BBS9: variants seen among roughly 807,000 people sequenced by gnomAD.
BBS9 encodes the protein Bardet-Biedl syndrome 9.
A neutral mutation model predicts 117.7 loss-of-function variants in BBS9; 89 were observed. The ratio of observed to expected loss-of-function variants is 0.76; its 90% confidence interval spans 0.64 to 0.90. The LOEUF (loss-of-function observed/expected upper bound fraction) is 0.90, where lower values mean the gene tolerates loss of function less well. Among genes scored for constraint, BBS9 ranks in the 40% least tolerant of loss-of-function variants. The probability of loss-of-function intolerance (pLI) is 0.00; values close to 1 mark genes in which losing one functional copy is unlikely to be tolerated. For missense variants in BBS9, 982 were observed against 1,042.2 expected, an observed-to-expected ratio of 0.94 and a Z score of 0.80; for synonymous variants, 379 against 370.9, an observed-to-expected ratio of 1.02 and a Z score of -0.25.
intron 5 of BBS9, among the ~76,000 whole-genome samples, chr7:33,251,363 A>G (rs185488606): frequency 3.9e-4 from 59 of 152,280 alleles, no homozygotes; most frequent in African/African-American, 1.4e-3. Context: ...CCCTGAACCA[A>G]TCACTGTGAC....
chr7:33,549,971 A>T (rs184033363), intron 21 of BBS9, among the ~76,000 whole-genome samples: 1 of 152,216 alleles, frequency 6.6e-6, no homozygotes, highest in Non-Finnish European at 1.5e-5. Context: ...TTCAAATATG[A>T]GGATGAAAAA....
intron 5 of BBS9, among the ~76,000 whole-genome samples, chr7:33,208,768 C>A (rs924943217): frequency 1.3e-5 from 2 of 150,992 alleles, no homozygotes; most frequent in African/African-American, 4.9e-5. Flanking sequence ...AGTGGGTGAC[C>A]ACTATTATTT....
intron 15 of BBS9, among the ~76,000 whole-genome samples, chr7:33,353,447 A>C (rs749717705): frequency 2.0e-5 from 3 of 152,114 alleles, no homozygotes; most frequent in African/African-American, 7.2e-5. Context: ...TGACTCTGCT[A>C]TGATTCTGAT....
At chr7:33,615,211 A>G (rs575776846) in intron 21 of BBS9, among the ~76,000 whole-genome samples, 2 of 152,206 alleles carry the variant, frequency 1.3e-5, no homozygotes, top group East Asian at 3.9e-4. Flanking sequence ...AAAACTTACA[A>G]GGCATACTAA....
intron 20 of BBS9, among the ~76,000 whole-genome samples, chr7:33,507,865 A>T (rs886292344): frequency 6.6e-6 from 1 of 152,202 alleles, no homozygotes; most frequent in Admixed American, 6.5e-5. Context: ...CTGTTAAAAC[A>T]CGTACTAAAA....
intron 5 of BBS9, among the ~76,000 whole-genome samples, chr7:33,228,227 T>A (rs1218145046): frequency 6.6e-6 from 1 of 152,126 alleles, no homozygotes; most frequent in Admixed American, 6.6e-5. Flanking sequence ...TCCCTGATAA[T>A]CAGTGATGTT....
chr7:33,418,328 C>T (rs1470865800), intron 19 of BBS9, among the ~76,000 whole-genome samples: 6 of 152,086 alleles, frequency 3.9e-5, no homozygotes, highest in East Asian at 3.9e-4. Flanking sequence ...TTCTGGTCAG[C>T]GGAAGATTGA....
At chr7:33,481,120 A>G (rs1842464857) in intron 19 of BBS9, among the ~76,000 whole-genome samples, 1 of 152,218 alleles carries the variant, frequency 6.6e-6, no homozygotes, top group Non-Finnish European at 1.5e-5. Flanking sequence ...GGATACATGA[A>G]TGAAGAGGTG....
At chr7:33,395,284 T>A (rs1309054280) in intron 19 of BBS9, among the ~76,000 whole-genome samples, 1 of 152,210 alleles carries the variant, frequency 6.6e-6, no homozygotes, top group African/African-American at 2.4e-5. Flanking sequence ...TTTAGCTTCT[T>A]TGCCTTCAAA....
rs140687794 is a variant in BBS9 at position 33,213,798 on chromosome 7, G to A, written c.442+36207G>A. Among the ~76,000 whole-genome samples the A allele has an allele frequency of 1.1e-3, 165 of 152,246 alleles. 2 individuals are homozygous for A. The highest frequency in any genetic ancestry group is 6.8e-3 in the Middle Eastern group (2 of 294). On this transcript the variant is annotated intron_variant, in intron 5 of 22. Transcript: ENST00000242067. ...ATTTGGGAGCTAGGTCCTGGAATGG[G>A]GGCCTCATGACACTGCCTGGTGCCC...
chr7:33,255,916 G>A (rs1225710797), intron 5 of BBS9, among the ~76,000 whole-genome samples: 12 of 152,156 alleles, frequency 7.9e-5, no homozygotes, highest in Non-Finnish European at 1.6e-4. Context: ...CCAGCACTTT[G>A]GAAGGCCAAG....
intron 1 of BBS9, among the ~76,000 whole-genome samples, chr7:33,145,294 A>T (rs1490384914): frequency 6.6e-6 from 1 of 152,196 alleles, no homozygotes; most frequent in African/African-American, 2.4e-5. Context: ...ACTGTTGTAG[A>T]GTCCCAGGGC....
chr7:33,486,701 T>G (rs1044632366), intron 19 of BBS9, among the ~76,000 whole-genome samples: 2 of 152,188 alleles, frequency 1.3e-5, no homozygotes, highest in Non-Finnish European at 2.9e-5. Context: ...CTTGTTAGTG[T>G]TGTTGTTTGG....
At chr7:33,225,761 T>C (rs1791144211) in intron 5 of BBS9, among the ~76,000 whole-genome samples, 1 of 150,940 alleles carries the variant, frequency 6.6e-6, no homozygotes, top group Non-Finnish European at 1.5e-5. Context: ...GCTGGTGGTG[T>C]TCAGTACTCC....
chr7:33,500,071 GT>G (rs1412428807), intron 19 of BBS9, among the ~76,000 whole-genome samples: 1 of 152,142 alleles, frequency 6.6e-6, no homozygotes, highest in African/African-American at 2.4e-5. Flanking sequence ...ACCTTAGTAT[GT>G]TAACTTCCCA....
chr7:33,151,523 A>T lies in BBS9; in HGVS notation c.113-1178A>T, dbSNP rs181204880. On this transcript the variant is annotated intron_variant, in intron 2 of 22. Transcript: ENST00000242067. ...AGCCTCCAGTATTGAAGTTCCCAGG[A>T]TTATACCTCTCTCATAGGGTTATTA... Among the ~76,000 whole-genome samples, 247 of 151,894 alleles carry T rather than the reference A, an allele frequency of 1.6e-3. 2 individuals carry two copies. The highest frequency in any genetic ancestry group is 4.9e-4 in the Non-Finnish European group (33 of 67,970).
At chr7:33,326,255 C>G (rs1406191981) in intron 9 of BBS9, among the ~76,000 whole-genome samples, 3 of 148,462 alleles carry the variant, frequency 2.0e-5, no homozygotes, top group Non-Finnish European at 4.5e-5. Context: ...CCCCTCTTCT[C>G]CCTTGAATCT....
At position 33,300,964 on chromosome 7, in the gene BBS9, T is replaced by G. The variant is rs187671769; in HGVS notation, c.1016+27008T>G. Among the ~76,000 whole-genome samples, 779 of 152,312 alleles carry G rather than the reference T, an allele frequency of 5.1e-3. 10 individuals are homozygous for G. Among genetic ancestry groups the G allele is most frequent in the African/African-American group, 0.018 (740 of 41,578 alleles). ...ATAGAATTTTAGATTAGCAGTTATTTTCTTTCAGCACTTTGAAGATATCAG... is the reference window on the plus strand; with the variant it reads ...ATAGAATTTTAGATTAGCAGTTATTGTCTTTCAGCACTTTGAAGATATCAG... On this transcript the variant is annotated intron_variant, in intron 9 of 22. Coordinates refer to ENST00000242067, the MANE Select transcript of BBS9 (RefSeq NM_198428.3).
At chr7:33,161,817 C>A (rs1280736948) in intron 4 of BBS9, among the ~76,000 whole-genome samples, 1 of 152,182 alleles carries the variant, frequency 6.6e-6, no homozygotes, top group East Asian at 1.9e-4. Flanking sequence ...GCCATTCTAA[C>A]TGATGTGAGA....
Sources: allele counts gnomAD v4.1 joint callset (sites outside exome capture counted in the v4.1 genomes callset), GRCh38; gene constraint gnomAD v4.1.1; transcripts MANE v1.5; gene names NCBI Gene and HGNC (gene_info 2026-07-23, HGNC 2026-07-21).